CPPED1: variants seen among roughly 807,000 people sequenced by gnomAD.
CPPED1 encodes calcineurin like phosphoesterase domain containing 1.
Under a neutral mutation model 28.0 loss-of-function variants are expected in CPPED1, and 28 were observed. The ratio of observed to expected loss-of-function variants is 1.00; its 90% CI spans 0.74 to 1.37. CPPED1 has a LOEUF of 1.37. Among genes scored for constraint, CPPED1 ranks in the 40% most tolerant of loss-of-function variants. CPPED1 has a pLI of 0.00. For missense variants in CPPED1, 504 were observed against 416.5 expected (o/e 1.21, Z -1.83); for synonymous variants, 198 against 180.2 (o/e 1.10, Z -0.79).
At chr16:12,779,481 C>T (rs777510131) in intron 2 of CPPED1, among the ~76,000 whole-genome samples, 4 of 151,830 alleles carry the variant, frequency 2.6e-5, no homozygotes, top group African/African-American at 4.8e-5. Context: ...CTCTGCCTCC[C>T]GAGTTCAAGC....
chr16:12,778,249 T>C (rs946120654), intron 2 of CPPED1, among the ~76,000 whole-genome samples: 1 of 150,758 alleles, frequency 6.6e-6, no homozygotes, highest in African/African-American at 2.4e-5. Context: ...GCCCAAGATA[T>C]TTTCTTTTCT....
intron 3 of CPPED1, among the ~76,000 whole-genome samples, chr16:12,676,568 A>C (rs1344397770): frequency 6.6e-6 from 1 of 152,142 alleles, no homozygotes; most frequent in Non-Finnish European, 1.5e-5. Flanking sequence ...TACTTGGATA[A>C]GGCCAATTCA....
chr16:12,789,674 C>T (rs140039070), intron 1 of CPPED1, among the ~76,000 whole-genome samples: 200 of 152,036 alleles, frequency 1.3e-3, no homozygotes, highest in South Asian at 1.9e-3. Flanking sequence ...CACAGGTGCG[C>T]GACACCATGC....
At chr16:12,716,757 A>T (rs956007457) in intron 2 of CPPED1, among the ~76,000 whole-genome samples, 3 of 152,220 alleles carry the variant, frequency 2.0e-5, no homozygotes, top group African/African-American at 7.2e-5. Context: ...GTAGGCATTT[A>T]TTCAATGCAC....
intron 2 of CPPED1, among the ~76,000 whole-genome samples, chr16:12,774,534 T>A (rs2080486814): frequency 6.6e-6 from 1 of 152,222 alleles, no homozygotes; most frequent in Non-Finnish European, 1.5e-5. Context: ...AGAAATCTCT[T>A]TTATTAACTG....
intron 2 of CPPED1, among the ~76,000 whole-genome samples, chr16:12,716,213 A>G (rs115769172): frequency 3.3e-3 from 510 of 152,350 alleles, no homozygotes; most frequent in Middle Eastern, 0.01. Flanking sequence ...TTTTTCCTCC[A>G]AAGTGATCAC....
chr16:12,764,609 G>C (rs146934141), intron 2 of CPPED1, among the ~76,000 whole-genome samples: 2,700 of 152,312 alleles, frequency 0.018, 90 homozygotes, highest in African/African-American at 0.061. Flanking sequence ...AAAGTGCTGA[G>C]ATTACAGGCA....
At chr16:12,730,229 G>A (rs755965728) in intron 2 of CPPED1, among the ~76,000 whole-genome samples, 25 of 152,096 alleles carry the variant, frequency 1.6e-4, no homozygotes, top group Admixed American at 3.3e-4. Flanking sequence ...CTTGAACTAT[G>A]AGCCTCAAGC....
rs2080041099 is a variant in CPPED1, at chr16:12,704,898, T to G, written c.441A>C (p.Gly147=). The G allele has an allele frequency of 6.2e-7, 1 of 1,614,090 alleles. No homozygotes were observed. The highest frequency in any genetic ancestry group is 8.5e-7 in the Non-Finnish European group (1 of 1,179,998). Residue 147 remains glycine, a synonymous_variant, in exon 3 of 4, where the codon GGA becomes GGC. Transcript: ENST00000381774. ...ETVEEFCRTW[G]DDYFSFWVGG... Reference sequence around the variant, plus strand: ...CGACCCAGAAGCTGAAGTAGTCATCTCCCCAAGTCCGGCAGAACTCCTCGA... The same window carrying G: ...CGACCCAGAAGCTGAAGTAGTCATCGCCCCAAGTCCGGCAGAACTCCTCGA...
chr16:12,678,250 G>A (rs2079887724), intron 3 of CPPED1, among the ~76,000 whole-genome samples: 2 of 152,180 alleles, frequency 1.3e-5, no homozygotes, highest in Admixed American at 6.5e-5. Context: ...ACACAAAAAA[G>A]GTCAACTATT....
At chr16:12,703,772 C>T (rs1157893753) in intron 3 of CPPED1, among the ~76,000 whole-genome samples, 1 of 151,656 alleles carries the variant, frequency 6.6e-6, no homozygotes, top group Non-Finnish European at 1.5e-5. Context: ...CTGGAATTTG[C>T]CAAATCACTG....
At chr16:12,674,920 C>T (rs1452748621) in intron 3 of CPPED1, among the ~76,000 whole-genome samples, 4 of 152,200 alleles carry the variant, frequency 2.6e-5, no homozygotes, top group East Asian at 1.9e-4. Flanking sequence ...AGCTCCTCAT[C>T]GCCCCACCCA....
At chr16:12,787,297 T>G (rs1042194032) in intron 1 of CPPED1, among the ~76,000 whole-genome samples, 2 of 152,182 alleles carry the variant, frequency 1.3e-5, no homozygotes, top group African/African-American at 4.8e-5. Context: ...AAGCTCTGGA[T>G]AATGCCTATA....
chr16:12,682,771 A>T lies in CPPED1; in HGVS notation c.716-17656T>A, dbSNP rs1435575076. 2.6e-5 allele frequency among the ~76,000 whole-genome samples: 4 copies of T among 152,038 alleles called. No individual in the cohort carries two copies. Among genetic ancestry groups the T allele is most frequent in the Non-Finnish European group, 5.9e-5 (4 of 67,924 alleles). ...CTGATCAGAAGATCTTTTTCTTTTC[A>T]TTTGCACAAATTACATCTTTCTCAC... On this transcript the variant is annotated intron_variant, in intron 3 of 3. Transcript: ENST00000381774. The surrounding 1 kb of genome is among the most constrained non-coding windows in gnomAD (Gnocchi z 6.1).
intron 2 of CPPED1, among the ~76,000 whole-genome samples, chr16:12,775,768 G>C (rs2141235465): frequency 6.6e-6 from 1 of 152,314 alleles, no homozygotes; most frequent in East Asian, 1.9e-4. Flanking sequence ...AGAGTTCCCA[G>C]TTTACAAGCT....
At chr16:12,711,221 A>G (rs1325580475) in intron 2 of CPPED1, among the ~76,000 whole-genome samples, 2 of 152,234 alleles carry the variant, frequency 1.3e-5, no homozygotes, top group South Asian at 2.1e-4. Context: ...GCTAAGTGAA[A>G]TAAGTCATGC....
At chr16:12,730,322 T>C (rs1212712438) in intron 2 of CPPED1, among the ~76,000 whole-genome samples, 2 of 152,142 alleles carry the variant, frequency 1.3e-5, no homozygotes, top group East Asian at 3.9e-4. Context: ...TAGTTTAAGT[T>C]AAATATTCAG....
intron 2 of CPPED1, among the ~76,000 whole-genome samples, chr16:12,723,392 G>T (rs534037472): frequency 6.6e-6 from 1 of 152,274 alleles, no homozygotes; most frequent in East Asian, 1.9e-4. Flanking sequence ...ACTGGACACG[G>T]GGTCTCCAAC....
At chr16:12,666,079 G>A (rs918239572) in intron 3 of CPPED1, among the ~76,000 whole-genome samples, 2 of 152,100 alleles carry the variant, frequency 1.3e-5, no homozygotes, top group Non-Finnish European at 2.9e-5. Context: ...TCGTGCCACC[G>A]CACTCCAGCC....
Sources: allele counts gnomAD v4.1 joint callset (sites outside exome capture counted in the v4.1 genomes callset), GRCh38; gene constraint gnomAD v4.1.1; non-coding constraint Gnocchi (gnomAD v3.1); transcripts MANE v1.5; gene names NCBI Gene and HGNC (gene_info 2026-07-23, HGNC 2026-07-21).